The following CD82 variants were observed in gnomAD, a reference collection of about 807,000 sequenced individuals.
The protein encoded by CD82 is CD82 antigen.
CD82 carries 36 observed loss-of-function variants against 37.4 expected under a neutral mutation model. That is an observed-to-expected ratio of 0.96 (90% CI 0.74 to 1.27). The LOEUF (loss-of-function observed/expected upper bound fraction) is 1.27, where lower values mean the gene tolerates loss of function less well. Ranked by LOEUF, CD82 falls within the 50% of genes most tolerant of loss-of-function variation. The pLI is 0.00. For synonymous variants in CD82, 158 were observed against 137.4 expected (o/e 1.15, Z -1.05); for missense variants, 340 against 347.0 (o/e 0.98, Z 0.16).
intron 6 of CD82, among the ~76,000 whole-genome samples, chr11:44,613,680 G>A (rs764252810): frequency 2.1e-4 from 32 of 152,162 alleles, no homozygotes; most frequent in Admixed American, 5.2e-4. Flanking sequence ...AAAATTAGCC[G>A]GGCATGGTGA....
In CD82 at chr11:44,604,922, T is replaced by C. The variant is rs1853365943; in HGVS notation, c.137-136T>C. 33 of 1,263,580 alleles carry C rather than the reference T, an allele frequency of 2.6e-5. 1 individual carries two copies. The South Asian group carries it at 3.3e-4, about 13-fold the overall frequency. The allele number at this position is 1,263,580 out of a possible 1,614,324, so 78.3% of individuals were successfully genotyped here. A position where few individuals can be genotyped will look rare whatever the true frequency, so the allele number is the denominator to read the frequency against. On this transcript the variant is annotated intron_variant, in intron 4 of 9. Transcript: ENST00000227155. ...GGTGACCTGGTTCCCTGTTGGGCAG[T>C]GAGAAGCCAGCAGGGGAATGCAGCT...
intron 7 of CD82, among the ~76,000 whole-genome samples, chr11:44,617,374 C>T (rs1853579622): frequency 6.6e-6 from 1 of 152,154 alleles, no homozygotes; most frequent in African/African-American, 2.4e-5. Context: ...GCCTGGCCAA[C>T]ATGGTGAAAC....
At chr11:44,618,861 G>A (rs1853611822) in intron 9 of CD82, 138 bp downstream of exon 9, 1 of 844,734 alleles carries the variant, frequency 1.2e-6, no homozygotes, top group Admixed American at 2.2e-5. Flanking sequence ...TCTGAGCACT[G>A]TCTGGCTGTG....
chr11:44,606,766 G>T (rs1387098582), intron 6 of CD82: 2 of 152,304 alleles, frequency 1.3e-5, no homozygotes, highest in African/African-American at 4.8e-5. Context: ...AGAAGCAGAT[G>T]CTCTGAGATG....
intron 3 of CD82, among the ~76,000 whole-genome samples, chr11:44,599,712 A>G (rs1339995040): frequency 1.3e-5 from 2 of 152,228 alleles, no homozygotes; most frequent in Non-Finnish European, 2.9e-5. Context: ...CTCCTGTGGC[A>G]GGTGACCCTG....
chr11:44,581,262 G>A (rs1852975151), intron 1 of CD82, among the ~76,000 whole-genome samples: 1 of 152,220 alleles, frequency 6.6e-6, no homozygotes, highest in Non-Finnish European at 1.5e-5. Context: ...AGGGTCAGAT[G>A]TTGGGGTTCA....
At chr11:44,603,448 T>G (rs1188882325) in intron 4 of CD82, among the ~76,000 whole-genome samples, 1 of 152,122 alleles carries the variant, frequency 6.6e-6, no homozygotes, top group African/African-American at 2.4e-5. Context: ...AGGCCTGTAT[T>G]CTCCCTGCTG....
At chr11:44,577,223 C>T (rs1172917713) in intron 1 of CD82, among the ~76,000 whole-genome samples, 3 of 152,290 alleles carry the variant, frequency 2.0e-5, no homozygotes, top group African/African-American at 4.8e-5. Flanking sequence ...CCTCCCAGCT[C>T]GGCTGCTTGC....
At chr11:44,572,503 C>T (rs977266028) in intron 1 of CD82, among the ~76,000 whole-genome samples, 6 of 151,858 alleles carry the variant, frequency 4.0e-5, no homozygotes, top group Non-Finnish European at 7.4e-5. Context: ...ATATTTTTTT[C>T]GAAGGAGGGA....
At chr11:44,588,544 T>A (rs926692949) in intron 2 of CD82, among the ~76,000 whole-genome samples, 1 of 152,200 alleles carries the variant, frequency 6.6e-6, no homozygotes, top group Non-Finnish European at 1.5e-5. Flanking sequence ...TTTATCTTTG[T>A]CATTTCACCA....
chr11:44,617,216 G>A (rs560977121), intron 7 of CD82, among the ~76,000 whole-genome samples: 1 of 152,186 alleles, frequency 6.6e-6, no homozygotes, highest in African/African-American at 2.4e-5. Flanking sequence ...CACAGAGCCC[G>A]GAAAGGCTTT....
chr11:44,603,345 T>G (rs1853335505), intron 4 of CD82, among the ~76,000 whole-genome samples: 1 of 152,094 alleles, frequency 6.6e-6, no homozygotes, highest in South Asian at 2.1e-4. Flanking sequence ...TCCTCCAGTT[T>G]GATAGTTATT....
rs538102426 is a variant in CD82 at position 44,605,285 on chromosome 11, C to T, written c.262-70C>T. 11 of 1,609,842 alleles carry T rather than the reference C, an allele frequency of 6.8e-6. No individual in the cohort carries two copies. The East Asian group carries it at 8.9e-5, about 13-fold the overall frequency. On this transcript the variant is annotated intron_variant, in intron 5 of 9. Transcript: ENST00000227155. The stretch of plus-strand genomic sequence containing the variant: ...GTAACATCGGGTGGAGAGCATCTCT[C>T]GGGGCACGCAGGCTGGGTGCACCTG...
rs534063185 is a variant in CD82, at chr11:44,618,048, G to A, written c.439-114G>A. 347 of 813,996 alleles carry A rather than the reference G, an allele frequency of 4.3e-4. 5 individuals carry two copies. The South Asian group carries it at 5.6e-3, about 13-fold the overall frequency. The allele number at this position is 813,996 out of a possible 1,614,324, so 50.4% of individuals were successfully genotyped here. A position where few individuals can be genotyped will look rare whatever the true frequency, so the allele number is the denominator to read the frequency against. On this transcript the variant is annotated intron_variant, in intron 7 of 9. Coordinates refer to ENST00000227155, the MANE Select transcript of CD82 (RefSeq NM_002231.4). The stretch of plus-strand genomic sequence containing the variant: ...TATGATGGTTCGGCTGGGACCAGGG[G>A]CCTGGAAGTGGCATATCTCAGTCTC...
intron 6 of CD82, among the ~76,000 whole-genome samples, chr11:44,612,806 G>A (rs1405703113): frequency 6.6e-6 from 1 of 150,956 alleles, no homozygotes; most frequent in Non-Finnish European, 1.5e-5. Context: ...GCTAATTTTT[G>A]GTATTTTTTT....
chr11:44,594,985 G>A (rs1242306520), intron 3 of CD82: 16 of 510,536 alleles, frequency 3.1e-5, no homozygotes, highest in Non-Finnish European at 5.0e-5. Flanking sequence ...CTGGGCTGGC[G>A]GTGGGTATGG....
In CD82 at chr11:44,581,425, T is replaced by C. The variant is rs73454722; in HGVS notation, c.-102-6050T>C. Reference sequence around the variant, plus strand: ...GAGCCACGTGAAGGACTTGGCACAATGTCTAGCTAGTAATCATGCAAACAT... The same window carrying C: ...GAGCCACGTGAAGGACTTGGCACAACGTCTAGCTAGTAATCATGCAAACAT... On this transcript the variant is annotated intron_variant, in intron 1 of 9. Coordinates refer to ENST00000227155, the MANE Select transcript of CD82 (RefSeq NM_002231.4). Among the ~76,000 whole-genome samples the C allele has an allele frequency of 3.6e-3, 548 of 152,338 alleles. 3 individuals carry two copies. Among genetic ancestry groups the C allele is most frequent in the African/African-American group, 0.013 (537 of 41,578 alleles).
rs576574817 is a variant in CD82 at position 44,610,414 on chromosome 11, C to T, written c.337-4858C>T. 1.7e-4 allele frequency among the ~76,000 whole-genome samples: 26 copies of T among 152,336 alleles called. No individual in the cohort carries two copies. In the South Asian group the frequency reaches 4.6e-3, roughly 27 times the overall value. ...TTGTGTGAGGTACTGACTTCCCCAT[C>T]GCAGGGAGCATTTAAGCAGAGCCTA... is the stretch of plus-strand genomic sequence containing the variant. On this transcript the variant is annotated intron_variant, in intron 6 of 9. Transcript: ENST00000227155.
Position 44,615,368 on chromosome 11 carries a change from G to T in CD82, c.433G>T (p.Ala145Ser), listed in dbSNP as rs777316375. ...SLQDAWDYVQ[A>S]QVKCCGWVSF... ...GCAGGATGCCTGGGACTACGTGCAGGCTCAGGTGAGGTGGGGCGGGGCTGC... is the reference window on the plus strand; with the variant it reads ...GCAGGATGCCTGGGACTACGTGCAGTCTCAGGTGAGGTGGGGCGGGGCTGC... The change falls in exon 7 of 10, where the codon GCT (alanine) becomes TCT (serine). Residue 145 changes from alanine (A) to serine (S), a missense_variant. By Grantham distance (99) the Ala-to-Ser change is moderately conservative. Coordinates refer to ENST00000227155, the MANE Select transcript of CD82 (RefSeq NM_002231.4). The T allele has an allele frequency of 6.2e-7, 1 of 1,606,352 alleles. No individual in the cohort carries two copies. Among genetic ancestry groups the T allele is most frequent in the Non-Finnish European group, 8.5e-7 (1 of 1,172,966 alleles).
Sources: gnomAD v4.1 joint callset for allele counts (sites outside exome capture counted in the v4.1 genomes callset) on GRCh38, gnomAD v4.1.1 for gene constraint, MANE v1.5 for transcripts, NCBI Gene and HGNC (gene_info 2026-07-23, HGNC 2026-07-21) for gene names.